The following PIK3C3 variants were observed in gnomAD, a reference collection of about 807,000 sequenced individuals.
PIK3C3 encodes the protein PI3-kinase type 3.
A neutral mutation model predicts 126.1 loss-of-function variants in PIK3C3; 95 were observed. The observed-to-expected ratio is 0.75, with a 90% confidence interval of 0.64 to 0.89. The LOEUF is 0.89. PIK3C3 is among the 40% of genes least tolerant of loss of function. PIK3C3 has a pLI of 0.00. For synonymous variants in PIK3C3, 374 were observed against 360.0 expected, an observed-to-expected ratio of 1.04 and a Z score of -0.44; for missense variants, 829 against 1,063.2, an observed-to-expected ratio of 0.78 and a Z score of 3.06.
intron 6 of PIK3C3, among the ~76,000 whole-genome samples, chr18:41,992,274 A>G (rs568600118): frequency 3.3e-5 from 5 of 152,276 alleles, no homozygotes; most frequent in Non-Finnish European, 7.4e-5. Context: ...AGATAGCCTT[A>G]GTGAAGATTA....
At chr18:42,011,184 G>A (rs187045875) in intron 10 of PIK3C3, among the ~76,000 whole-genome samples, 27 of 152,274 alleles carry the variant, frequency 1.8e-4, no homozygotes, top group Admixed American at 8.5e-4. Flanking sequence ...CTGAAATGAC[G>A]AATGAGCAGT....
rs1439371304 is a variant in PIK3C3, at chr18:42,083,099, T to C, written c.*1962T>C. On this transcript the variant is annotated 3_prime_UTR_variant, in exon 25 of 25. Transcript: ENST00000262039. The stretch of plus-strand genomic sequence containing the variant: ...GGAGGGTAAACAGTAGCTGTGGTTT[T>C]GCTGAGAGATTTTGGCTGTGAGTGA... 6.6e-6 allele frequency: 1 copy of C among 152,216 alleles called. No homozygotes were observed. The highest frequency in any genetic ancestry group is 2.4e-5 in the African/African-American group (1 of 41,452). The allele number at this position is 152,216 out of a possible 1,614,324, so 9.4% of individuals were successfully genotyped here.
At chr18:42,078,313 C>T (rs1012059556) in intron 24 of PIK3C3, among the ~76,000 whole-genome samples, 11 of 141,640 alleles carry the variant, frequency 7.8e-5, no homozygotes, top group Admixed American at 4.5e-4. Context: ...GGAAGCGGAG[C>T]TTGCAGTGAG....
At chr18:41,957,196 A>G (rs762363980) in intron 1 of PIK3C3, among the ~76,000 whole-genome samples, 1 of 152,170 alleles carries the variant, frequency 6.6e-6, no homozygotes, top group Non-Finnish European at 1.5e-5. Flanking sequence ...AGAATAGATG[A>G]ATATGTGGTC....
chr18:42,037,639 A>G (rs766867185), intron 16 of PIK3C3, 53 bp from the exon 17 acceptor site: 68 of 1,523,340 alleles, frequency 4.5e-5, no homozygotes, highest in Middle Eastern at 2.0e-4. Flanking sequence ...GTATAGTACA[A>G]TTTTATGCAT....
intron 9 of PIK3C3, among the ~76,000 whole-genome samples, chr18:42,000,962 G>A (rs1375954754): frequency 1.3e-5 from 2 of 152,102 alleles, no homozygotes; most frequent in Non-Finnish European, 2.9e-5. Context: ...GGGAAGAAAC[G>A]AATGAGATGT....
At chr18:41,958,769 A>T (rs907782976) in intron 2 of PIK3C3, among the ~76,000 whole-genome samples, 60 of 151,688 alleles carry the variant, frequency 4.0e-4, no homozygotes, top group African/African-American at 1.2e-3. Context: ...ACACATAAAA[A>T]ATATATATAT....
In PIK3C3 at chr18:41,962,524, C is replaced by T; in HGVS notation, c.293C>T (p.Pro98Leu). The T allele has an allele frequency of 6.2e-7, 1 of 1,612,912 alleles. No individual in the cohort carries two copies. Among genetic ancestry groups the T allele is most frequent in the Non-Finnish European group, 8.5e-7 (1 of 1,179,226 alleles). ...NEWLKLPVKY[P>L]DLPRNAQVAL... Reference sequence around the variant, plus strand: ...TGGCTGAAACTACCAGTAAAATACCCTGACCTGCCCAGGAATGCCCAAGTG... The same window carrying T: ...TGGCTGAAACTACCAGTAAAATACCTTGACCTGCCCAGGAATGCCCAAGTG... The change falls in exon 3 of 25, where the codon CCT becomes CTT. Residue 98 changes from proline (P) to leucine (L), a missense_variant. Coordinates refer to ENST00000262039, the MANE Select transcript of PIK3C3 (RefSeq NM_002647.4).
intron 4 of PIK3C3, among the ~76,000 whole-genome samples, chr18:41,986,325 C>T (rs1981475225): frequency 6.6e-6 from 1 of 152,036 alleles, no homozygotes; most frequent in African/African-American, 2.4e-5. Context: ...TTACTTCGTT[C>T]GTACAAGCAA....
At position 42,057,995 on chromosome 18, in the gene PIK3C3, T is replaced by A; in HGVS notation, c.2376T>A (p.Ser792Arg). 1.2e-6 allele frequency: 2 copies of A among 1,613,416 alleles called. No homozygotes were observed. The highest frequency in any genetic ancestry group is 1.7e-6 in the Non-Finnish European group (2 of 1,179,704). The change falls in exon 22 of 25, where the codon AGT (serine) becomes AGA (arginine). Residue 792 changes from serine to arginine, a missense_variant. Ser to Arg is a moderately radical substitution (Grantham distance 110, BLOSUM62 -1). Transcript: ENST00000262039. ...TAGAAGGAATGGGGGGCACACAGAG[T>A]GAGCAGTACCAAGAGTTCCGTAAAC... ...EMVEGMGGTQ[S>R]EQYQEFRKQC...
intron 11 of PIK3C3, among the ~76,000 whole-genome samples, 186 bp downstream of exon 11, chr18:42,013,782 C>T (rs948420208): frequency 6.6e-6 from 1 of 152,164 alleles, no homozygotes; most frequent in Non-Finnish European, 1.5e-5. Context: ...GTTTTGCAAG[C>T]TATCAAGGCT....
chr18:41,956,000 A>G (rs904268977), intron 1 of PIK3C3, among the ~76,000 whole-genome samples: 3 of 151,356 alleles, frequency 2.0e-5, no homozygotes, highest in Non-Finnish European at 4.4e-5. Context: ...CAAGGGCGTG[A>G]TATCTTGAGA....
rs1984175518 is a variant in PIK3C3, at chr18:42,038,767, C to T, written c.1969-14C>T. 1.9e-6 allele frequency: 3 copies of T among 1,560,442 alleles called. No individual in the cohort carries two copies. Among genetic ancestry groups the T allele is most frequent in the Non-Finnish European group, 2.6e-6 (3 of 1,133,032 alleles). On this transcript the variant is annotated splice_polypyrimidine_tract_variant and intron_variant, in intron 17 of 24. Transcript: ENST00000262039. ...TTTACATTTGGTTAATATATTTTAC[C>T]TTTTGATTAAAAGCTGTTACGGAAA...
intron 21 of PIK3C3, 198 bp from the exon 22 acceptor site, chr18:42,057,685 A>G (rs980582068): frequency 3.8e-6 from 2 of 524,774 alleles, no homozygotes; most frequent in African/African-American, 4.0e-5. Context: ...CGTGTGAACG[A>G]ATGAGTTAAA....
chr18:42,047,040 C>G (rs761674980), intron 20 of PIK3C3, among the ~76,000 whole-genome samples: 1 of 151,986 alleles, frequency 6.6e-6, no homozygotes, highest in Non-Finnish European at 1.5e-5. Context: ...TTTGCTTTAT[C>G]GTTAGGATTA....
Position 41,990,617 on chromosome 18 carries a change from A to G in PIK3C3, c.714+63A>G, listed in dbSNP as rs552979742. Reference sequence around the variant, plus strand: ...AGGGGAGAGGAAACATTAAAAAAATATTGTTGTTCCTGCTGGGATGAATTA... The same window carrying G: ...AGGGGAGAGGAAACATTAAAAAAATGTTGTTGTTCCTGCTGGGATGAATTA... On this transcript the variant is annotated intron_variant, in intron 6 of 24. Transcript: ENST00000262039. The G allele has an allele frequency of 2.9e-5, 25 of 862,216 alleles. No individual in the cohort carries two copies. The South Asian group carries it at 3.5e-4, about 12-fold the overall frequency. The allele number at this position is 862,216 out of a possible 1,614,324, so 53.4% of individuals were successfully genotyped here. A position where few individuals can be genotyped will look rare whatever the true frequency, so the allele number is the denominator to read the frequency against.
Position 42,029,424 on chromosome 18 carries a change from G to A in PIK3C3, c.1690G>A (p.Gly564Arg), listed in dbSNP as rs1176397978. The part of the protein sequence containing the change: ...HLMKAVQRES[G>R]NRKKKNERLQ... The stretch of plus-strand genomic sequence containing the variant: ...AATGAAGGCAGTACAACGCGAAAGT[G>A]GAAATCGTAAGAAAAAGGTAAGCCT... The change falls in exon 15 of 25, where the codon GGA becomes AGA. Residue 564 changes from glycine to arginine, a missense_variant. This residue lies in a region of PIK3C3 where 256 missense variants were observed against 291.0 expected (regional missense o/e 0.88). Coordinates refer to ENST00000262039, the MANE Select transcript of PIK3C3 (RefSeq NM_002647.4). The A allele has an allele frequency of 3.7e-6, 6 of 1,605,390 alleles. No homozygotes were observed. Among genetic ancestry groups the A allele is most frequent in the Admixed American group, 1.7e-5 (1 of 59,898 alleles).
At chr18:42,007,281 C>T (rs1555633900) in intron 10 of PIK3C3, among the ~76,000 whole-genome samples, 3 of 152,098 alleles carry the variant, frequency 2.0e-5, no homozygotes, top group Non-Finnish European at 4.4e-5. Flanking sequence ...TTGTCTTATA[C>T]TTTTAAAAAA....
intron 5 of PIK3C3, among the ~76,000 whole-genome samples, chr18:41,988,263 A>G (rs1210255737): frequency 6.6e-6 from 1 of 152,138 alleles, no homozygotes; most frequent in East Asian, 1.9e-4. Context: ...GTTACCATAA[A>G]TCATTTCAGC....
Sources: allele counts gnomAD v4.1 joint callset (sites outside exome capture counted in the v4.1 genomes callset), GRCh38; gene constraint gnomAD v4.1.1; regional missense constraint gnomAD v4.1.1; transcripts MANE v1.5; gene names NCBI Gene and HGNC (gene_info 2026-07-23, HGNC 2026-07-21).